The following SLC38A1 variants were observed in gnomAD, a reference collection of about 807,000 sequenced individuals.
SLC38A1 encodes solute carrier family 38 member 1.
A neutral mutation model predicts 60.3 loss-of-function variants in SLC38A1; 18 were observed. The ratio of observed to expected loss-of-function variants is 0.30; its 90% CI spans 0.21 to 0.44. SLC38A1 has a LOEUF of 0.44. SLC38A1 is among the 20% of genes least tolerant of loss of function. The probability of loss-of-function intolerance (pLI) is 1.00; values close to 1 mark genes in which losing one functional copy is unlikely to be tolerated. For synonymous variants in SLC38A1, 196 were observed against 212.1 expected (o/e 0.92, Z 0.66); for missense variants, 448 against 587.2 (o/e 0.76, Z 2.45).
chr12:46,217,043 G>A (rs1226290148), intron 5 of SLC38A1, among the ~76,000 whole-genome samples: 1 of 151,948 alleles, frequency 6.6e-6, no homozygotes, highest in East Asian at 1.9e-4. Context: ...TTACCTTAAG[G>A]GATTCAATAT....
intron 4 of SLC38A1, 55 bp from the exon 5 acceptor site, chr12:46,229,323 T>C: frequency 7.8e-7 from 1 of 1,280,674 alleles, no homozygotes; most frequent in African/African-American, 1.5e-5. Context: ...AGAAAGTTCA[T>C]CAAGCCAAAG....
In SLC38A1 at chr12:46,268,255, C is replaced by CACAGGAAA. The variant is rs1454853914; in HGVS notation, c.-209+263_-209+270dup. ...CAGCCACAGGAAAACACACCAAAGT[C>CACAGGAAA]ACAGGAAAACAAACCAAAAAGTAAG... On this transcript the variant is annotated intron_variant, in intron 1 of 16. Transcript: ENST00000398637. The surrounding 1 kb of genome is among the most constrained non-coding windows in gnomAD (Gnocchi z 4.4). Among the ~76,000 whole-genome samples the CACAGGAAA allele has an allele frequency of 1.3e-5, 2 of 152,214 alleles. No homozygotes were observed. The highest frequency in any genetic ancestry group is 2.4e-5 in the African/African-American group (1 of 41,460).
intron 1 of SLC38A1, chr12:46,267,244 C>T (rs1430349780): frequency 6.6e-6 from 1 of 152,226 alleles, no homozygotes; most frequent in Non-Finnish European, 1.5e-5. Flanking sequence ...GCAGAGGCGT[C>T]TTTTTTCACT....
At chr12:46,241,909 C>G (rs1941461119) in intron 2 of SLC38A1, among the ~76,000 whole-genome samples, 1 of 152,112 alleles carries the variant, frequency 6.6e-6, no homozygotes, top group South Asian at 2.1e-4. Context: ...GTTAAGGAGA[C>G]TTTTCTCTCT....
At position 46,183,659 on chromosome 12, in the gene SLC38A1, G is replaced by C. The variant is rs1938843218; in HGVS notation, c.*5311C>G. On this transcript the variant is annotated 3_prime_UTR_variant, in exon 17 of 17. Transcript: ENST00000398637. ...GAAGATCATTATGAAGAAACAATTT[G>C]TCATTTGGGTATATCTGTTTCTATA... The C allele has an allele frequency of 6.6e-6, 1 of 152,136 alleles. No homozygotes were observed. Among genetic ancestry groups the C allele is most frequent in the African/African-American group, 2.4e-5 (1 of 41,442 alleles). 9.4% of individuals were successfully genotyped at this position (152,136 alleles called of 1,614,324 possible). A position where few individuals can be genotyped will look rare whatever the true frequency, so the allele number is the denominator to read the frequency against.
intron 1 of SLC38A1, among the ~76,000 whole-genome samples, chr12:46,246,098 G>C (rs1235781743): frequency 1.3e-5 from 2 of 152,180 alleles, no homozygotes; most frequent in African/African-American, 4.8e-5. Context: ...CAAAGCAGAA[G>C]ACAGGTGATT....
At chr12:46,216,282 GAAA>G (rs577606327) in intron 5 of SLC38A1, among the ~76,000 whole-genome samples, 38 of 152,276 alleles carry the variant, frequency 2.5e-4, no homozygotes, top group Admixed American at 4.6e-4. Flanking sequence ...AACACTAGCT[GAAA>G]ATGATGGAGG....
chr12:46,266,080 G>T (rs192819343), intron 1 of SLC38A1, among the ~76,000 whole-genome samples: 68 of 152,324 alleles, frequency 4.5e-4, no homozygotes, highest in Non-Finnish European at 5.6e-4. Context: ...AAGGGGAACA[G>T]ATGAGATATA....
rs561535519 is a variant in SLC38A1 at position 46,191,198 on chromosome 12, C to T, written c.1363-2127G>A. Among the ~76,000 whole-genome samples, 9 of 152,196 alleles carry T rather than the reference C, an allele frequency of 5.9e-5. No individual in the cohort carries two copies. The South Asian group carries it at 1.9e-3, about 32-fold the overall frequency. ...CATTTATTAAATAGGGAATCCTTTC[C>T]CCATTTCTTGTTTTTGTCAGGTTTG... On this transcript the variant is annotated intron_variant, in intron 16 of 16. Coordinates refer to ENST00000398637, the MANE Select transcript of SLC38A1 (RefSeq NM_030674.4).
Position 46,242,606 on chromosome 12 carries a change from AAAC to A in SLC38A1, c.-94+591_-94+593del, listed in dbSNP as rs950768121. ...GCAAAACCCCGTCTCTACAAAAAAC[AAAC>A]AACAACAAAAAAACAAAACAACAAC... On this transcript the variant is annotated intron_variant, in intron 2 of 16. Coordinates refer to ENST00000398637, the MANE Select transcript of SLC38A1 (RefSeq NM_030674.4). Among the ~76,000 whole-genome samples, 3 of 151,546 alleles carry A rather than the reference AAAC, an allele frequency of 2.0e-5. No individual in the cohort carries two copies. In the South Asian group the frequency reaches 6.3e-4, roughly 32 times the overall value.
intron 3 of SLC38A1, among the ~76,000 whole-genome samples, chr12:46,231,678 CAG>C (rs1941081118): frequency 6.6e-6 from 1 of 152,218 alleles, no homozygotes. Context: ...TTTTCTGAGA[CAG>C]AGTCTCACTC....
At chr12:46,198,604 T>C (rs1327737874) in intron 14 of SLC38A1, 21 bp downstream of exon 14, 1 of 1,515,710 alleles carries the variant, frequency 6.6e-7, no homozygotes, top group Non-Finnish European at 9.0e-7. Context: ...TTTCTCATAT[T>C]GCACAGAGGC....
At chr12:46,251,555 G>A (rs1177971697) in intron 1 of SLC38A1, among the ~76,000 whole-genome samples, 1 of 152,154 alleles carries the variant, frequency 6.6e-6, no homozygotes, top group African/African-American at 2.4e-5. Flanking sequence ...AGAGTGAACA[G>A]GCAACCTACA....
intron 5 of SLC38A1, among the ~76,000 whole-genome samples, chr12:46,228,694 C>G (rs1230640991): frequency 6.6e-6 from 1 of 152,170 alleles, no homozygotes; most frequent in Non-Finnish European, 1.5e-5. Flanking sequence ...ATGCTAATTT[C>G]TCATCTTCAA....
At chr12:46,196,053 A>C (rs773070423) in intron 16 of SLC38A1, 143 of 1,214,304 alleles carry the variant, frequency 1.2e-4, no homozygotes, top group Admixed American at 2.1e-4. Context: ...TGGGAGCTGC[A>C]GACCAGAGCT....
chr12:46,204,940 T>C (rs2137142602), intron 9 of SLC38A1, among the ~76,000 whole-genome samples: 1 of 152,340 alleles, frequency 6.6e-6, no homozygotes, highest in South Asian at 2.1e-4. Context: ...TGGTGGACCC[T>C]GATGGAGTCC....
intron 5 of SLC38A1, among the ~76,000 whole-genome samples, chr12:46,216,778 T>G (rs1299143502): frequency 6.6e-6 from 1 of 152,030 alleles, no homozygotes; most frequent in African/African-American, 2.4e-5. Flanking sequence ...GAGAATTGCT[T>G]GAACCCGGGA....
chr12:46,267,701 C>T (rs1942401268), intron 1 of SLC38A1: 1 of 152,244 alleles, frequency 6.6e-6, no homozygotes, highest in African/African-American at 2.4e-5. Context: ...TCTGCGGCAA[C>T]GTTTAGGGAC....
At chr12:46,256,718 G>T (rs1942043247) in intron 1 of SLC38A1, among the ~76,000 whole-genome samples, 1 of 151,470 alleles carries the variant, frequency 6.6e-6, no homozygotes, top group African/African-American at 2.4e-5. Flanking sequence ...CAGGCTTCTG[G>T]GTTCCCTCTC....
Sources: gnomAD v4.1 joint callset for allele counts (sites outside exome capture counted in the v4.1 genomes callset) on GRCh38, gnomAD v4.1.1 for gene constraint, Gnocchi (gnomAD v3.1) non-coding constraint, MANE v1.5 for transcripts, NCBI Gene and HGNC (gene_info 2026-07-23, HGNC 2026-07-21) for gene names.